SGCZ: variants seen among roughly 807,000 people sequenced by gnomAD.
SGCZ encodes the protein sarcoglycan zeta.
SGCZ carries 40 observed loss-of-function variants against 41.3 expected under a neutral mutation model. That is an observed-to-expected ratio of 0.97 (90% CI 0.75 to 1.26). The LOEUF is 1.26. Ranked by LOEUF, SGCZ falls within the 50% of genes most tolerant of loss-of-function variation. The probability of loss-of-function intolerance (pLI) is 0.00; values close to 1 mark genes in which losing one functional copy is unlikely to be tolerated. For synonymous variants in SGCZ, 206 were observed against 137.5 expected (o/e 1.50, Z -3.49); for missense variants, 552 against 369.8 (o/e 1.49, Z -4.04).
chr8:14,981,894 A>G (rs1198006903), intron 1 of SGCZ, among the ~76,000 whole-genome samples: 1 of 152,202 alleles, frequency 6.6e-6, no homozygotes, highest in South Asian at 2.1e-4. Flanking sequence ...TCACACCTGT[A>G]ATCCCAGCAC....
At chr8:15,209,592 T>C (rs1801176852) in intron 1 of SGCZ, among the ~76,000 whole-genome samples, 1 of 152,030 alleles carries the variant, frequency 6.6e-6, no homozygotes, top group Admixed American at 6.6e-5. Flanking sequence ...GGGATAGACA[T>C]TTTGCTTAAG....
intron 2 of SGCZ, among the ~76,000 whole-genome samples, chr8:14,332,297 C>T (rs1263389952): frequency 6.6e-6 from 1 of 151,762 alleles, no homozygotes; most frequent in Non-Finnish European, 1.5e-5. Context: ...AAAAATTAGT[C>T]GGGCGTGGTG....
At chr8:15,079,680 C>T (rs1805670498) in intron 1 of SGCZ, among the ~76,000 whole-genome samples, 1 of 152,044 alleles carries the variant, frequency 6.6e-6, no homozygotes, top group Non-Finnish European at 1.5e-5. Flanking sequence ...TTTTCCGATC[C>T]ATTATTTTGG....
chr8:14,108,061 T>C (rs1802259955), intron 6 of SGCZ, 102 bp downstream of exon 6: 5 of 838,126 alleles, frequency 6.0e-6, no homozygotes, highest in African/African-American at 6.2e-5. Context: ...TTTAAGTATA[T>C]TGGGAGAAAC....
Position 14,104,219 on chromosome 8 carries a change from A to C in SGCZ, c.621-1720T>G, listed in dbSNP as rs545810992. Among the ~76,000 whole-genome samples the C allele has an allele frequency of 7.9e-5, 12 of 152,252 alleles. 1 individual carries two copies. The South Asian group carries it at 1.2e-3, about 16-fold the overall frequency. ...AAATTAGTGAATTATAATTGTATTC[A>C]TTTTTATAATTGTATTCATTTGGAA... On this transcript the variant is annotated intron_variant, in intron 6 of 7. Transcript: ENST00000382080.
rs1054379983 is a variant in SGCZ, at chr8:14,619,616, C to T, written c.40-64690G>A. On this transcript the variant is annotated intron_variant, in intron 1 of 7. Transcript: ENST00000382080. ...AGTCTCAGGATACAAAATCAATGAG[C>T]AAAAATGACAGGCATTCTTATACAC... is the stretch of plus-strand genomic sequence containing the variant. 1.3e-5 allele frequency among the ~76,000 whole-genome samples: 2 copies of T among 152,036 alleles called. 1 individual carries two copies. Among genetic ancestry groups the T allele is most frequent in the East Asian group, 3.9e-4 (2 of 5,188 alleles).
intron 4 of SGCZ, among the ~76,000 whole-genome samples, chr8:14,230,595 T>C (rs1563199511): frequency 6.6e-6 from 1 of 152,092 alleles, no homozygotes; most frequent in African/African-American, 2.4e-5. Flanking sequence ...TTTCTGAAGA[T>C]ATCATGATTT....
intron 1 of SGCZ, among the ~76,000 whole-genome samples, chr8:14,853,030 G>A (rs748851346): frequency 6.6e-6 from 1 of 152,220 alleles, no homozygotes; most frequent in Non-Finnish European, 1.5e-5. Flanking sequence ...CTCTGCTTCT[G>A]AGGATACATA....
chr8:14,644,104 T>C (rs184197732), intron 1 of SGCZ, among the ~76,000 whole-genome samples: 1 of 151,912 alleles, frequency 6.6e-6, no homozygotes, highest in African/African-American at 2.4e-5. Flanking sequence ...ATCAATATTT[T>C]CTTACCTATT....
intron 2 of SGCZ, among the ~76,000 whole-genome samples, chr8:14,334,067 A>T (rs1221442355): frequency 6.6e-6 from 1 of 152,018 alleles, no homozygotes; most frequent in East Asian, 1.9e-4. Flanking sequence ...GTTTTTGCAA[A>T]TATTTGTCTG....
At chr8:14,791,511 G>A (rs1291180023) in intron 1 of SGCZ, among the ~76,000 whole-genome samples, 2 of 151,744 alleles carry the variant, frequency 1.3e-5, no homozygotes, top group East Asian at 1.9e-4. Context: ...CACATCCCCT[G>A]TAGTTATCTA....
intron 1 of SGCZ, among the ~76,000 whole-genome samples, chr8:14,898,673 G>A (rs887624212): frequency 2.2e-4 from 34 of 152,162 alleles, no homozygotes; most frequent in Admixed American, 8.5e-4. Flanking sequence ...TTATATCTGA[G>A]ATGAGAAGAG....
intron 1 of SGCZ, among the ~76,000 whole-genome samples, chr8:14,647,505 T>G (rs1467424591): frequency 6.6e-6 from 1 of 151,968 alleles, no homozygotes; most frequent in Non-Finnish European, 1.5e-5. Flanking sequence ...AAAACATATC[T>G]ATGTAAAGTC....
intron 2 of SGCZ, among the ~76,000 whole-genome samples, chr8:14,439,853 C>A (rs1281619783): frequency 6.6e-6 from 1 of 151,860 alleles, no homozygotes; most frequent in Non-Finnish European, 1.5e-5. Context: ...ATCTTTTGGG[C>A]CTCCTCACAT....
chr8:14,169,682 T>A (rs775654333), intron 4 of SGCZ, among the ~76,000 whole-genome samples: 2 of 152,178 alleles, frequency 1.3e-5, no homozygotes, highest in Non-Finnish European at 2.9e-5. Flanking sequence ...CCAGTTCTGT[T>A]ATGAGCATTA....
intron 2 of SGCZ, among the ~76,000 whole-genome samples, chr8:14,534,967 C>T (rs1045918860): frequency 2.0e-5 from 3 of 151,898 alleles, no homozygotes; most frequent in Admixed American, 1.3e-4. Context: ...GCAAGAATGA[C>T]GTATCTCTTC....
chr8:14,304,564 G>T (rs890864074), intron 3 of SGCZ, among the ~76,000 whole-genome samples: 4 of 152,148 alleles, frequency 2.6e-5, no homozygotes, highest in Non-Finnish European at 4.4e-5. Flanking sequence ...CTGCAATCCA[G>T]CCTGGGCAAC....
At chr8:15,032,172 CAA>C in intron 1 of SGCZ, among the ~76,000 whole-genome samples, 1 of 152,188 alleles carries the variant, frequency 6.6e-6, no homozygotes, top group Non-Finnish European at 1.5e-5. Flanking sequence ...CTAGGACATT[CAA>C]GCGCTCACAC....
At chr8:14,538,522 T>C (rs564162923) in intron 2 of SGCZ, among the ~76,000 whole-genome samples, 1 of 152,076 alleles carries the variant, frequency 6.6e-6, no homozygotes, top group Non-Finnish European at 1.5e-5. Flanking sequence ...GTGGTGAAAT[T>C]ACTAACATAA....
Sources: allele counts gnomAD v4.1 joint callset (sites outside exome capture counted in the v4.1 genomes callset), GRCh38; gene constraint gnomAD v4.1.1; transcripts MANE v1.5; gene names NCBI Gene and HGNC (gene_info 2026-07-23, HGNC 2026-07-21).